Variants in UNC13C observed in about 807,000 individuals in gnomAD.
UNC13C encodes the protein protein unc-13 homolog C.
Under a neutral mutation model 245.4 loss-of-function variants are expected in UNC13C, and 174 were observed. That is an observed-to-expected ratio of 0.71 (90% CI 0.63 to 0.80). The LOEUF is 0.80. Ranked by LOEUF, UNC13C falls within the 30% of genes least tolerant of loss-of-function variation. UNC13C has a pLI of 0.00. For synonymous variants in UNC13C, 992 were observed against 895.1 expected, an observed-to-expected ratio of 1.11 and a Z score of -1.93; for missense variants, 2,829 against 2,602.9, an observed-to-expected ratio of 1.09 and a Z score of -1.89.
intron 23 of UNC13C, among the ~76,000 whole-genome samples, chr15:54,509,237 T>C (rs1394175393): frequency 2.6e-5 from 4 of 152,122 alleles, no homozygotes; most frequent in African/African-American, 9.7e-5. Context: ...ACCAAAACAT[T>C]TGAGTTCTCC....
At chr15:54,277,867 AG>A (rs2036874381) in intron 10 of UNC13C, among the ~76,000 whole-genome samples, 1 of 152,144 alleles carries the variant, frequency 6.6e-6, no homozygotes, top group Non-Finnish European at 1.5e-5. Context: ...AAAATGATAC[AG>A]TTGGGGGAAA....
In UNC13C at chr15:54,628,065, T is replaced by C. The variant is rs74014276; in HGVS notation, c.*952T>C. Reference sequence around the variant, plus strand: ...ACTGATGCCAAAAGTCATGTTTTCATCCACTTAGTGAAAAAATAGTAAAAT... The same window carrying C: ...ACTGATGCCAAAAGTCATGTTTTCACCCACTTAGTGAAAAAATAGTAAAAT... On this transcript the variant is annotated 3_prime_UTR_variant, in exon 33 of 33. Coordinates refer to ENST00000260323, the MANE Select transcript of UNC13C (RefSeq NM_001080534.3). 182 of 151,992 alleles carry C rather than the reference T, an allele frequency of 1.2e-3. No homozygotes were observed. Among genetic ancestry groups the C allele is most frequent in the African/African-American group, 4.1e-3 (169 of 41,336 alleles). 9.4% of individuals were successfully genotyped at this position (151,992 alleles called of 1,614,324 possible). A position where few individuals can be genotyped will look rare whatever the true frequency, so the allele number is the denominator to read the frequency against.
At chr15:54,620,280 G>C (rs1050276478) in intron 30 of UNC13C, among the ~76,000 whole-genome samples, 7 of 152,110 alleles carry the variant, frequency 4.6e-5, no homozygotes, top group Non-Finnish European at 1.0e-4. Flanking sequence ...CACACAGGTA[G>C]GGTGTATAAA....
At chr15:54,066,420 T>A (rs1170042398) in intron 2 of UNC13C, among the ~76,000 whole-genome samples, 2 of 152,232 alleles carry the variant, frequency 1.3e-5, no homozygotes, top group Non-Finnish European at 2.9e-5. Context: ...CCATTTTGTG[T>A]CTTCGCTGTT....
chr15:54,121,902 A>T (rs933458416), intron 2 of UNC13C, among the ~76,000 whole-genome samples: 2 of 151,948 alleles, frequency 1.3e-5, no homozygotes, highest in Non-Finnish European at 2.9e-5. Context: ...TCATTATGTT[A>T]TTGTGAATGA....
At chr15:54,170,819 A>G (rs2033371179) in intron 4 of UNC13C, among the ~76,000 whole-genome samples, 1 of 152,152 alleles carries the variant, frequency 6.6e-6, no homozygotes, top group Non-Finnish European at 1.5e-5. Context: ...CAGATACCTA[A>G]AAAGTAAACT....
At chr15:54,403,873 A>G (rs2040239529) in intron 18 of UNC13C, among the ~76,000 whole-genome samples, 1 of 152,160 alleles carries the variant, frequency 6.6e-6, no homozygotes, top group African/African-American at 2.4e-5. Context: ...TTCAAATGGC[A>G]CTTATGATCA....
intron 1 of UNC13C, among the ~76,000 whole-genome samples, chr15:53,994,262 A>G (rs1894519276): frequency 6.8e-6 from 1 of 147,274 alleles, no homozygotes; most frequent in Non-Finnish European, 1.5e-5. Flanking sequence ...ACCTATACTT[A>G]TATGGAACGT....
rs147857214 is a variant in UNC13C, at chr15:54,499,076, A to T, written c.5061-1003A>T. Among the ~76,000 whole-genome samples the T allele has an allele frequency of 3.5e-3, 527 of 152,230 alleles. 3 individuals are homozygous for T. The highest frequency in any genetic ancestry group is 0.012 in the African/African-American group (510 of 41,548). On this transcript the variant is annotated intron_variant, in intron 20 of 32. Transcript: ENST00000260323. ...TCTAGGTAAAAAATAAATAGGTTTA[A>T]TTGGCTCACAGTTCTGCAGGCTGTA...
At chr15:54,103,955 G>A (rs1900297017) in intron 2 of UNC13C, among the ~76,000 whole-genome samples, 1 of 128,362 alleles carries the variant, frequency 7.8e-6, no homozygotes, top group Non-Finnish European at 1.8e-5. Flanking sequence ...GTGTTGGCCA[G>A]GATGGTCTCA....
chr15:54,196,838 A>G (rs1301053414), intron 4 of UNC13C, among the ~76,000 whole-genome samples: 1 of 152,194 alleles, frequency 6.6e-6, no homozygotes, highest in Admixed American at 6.6e-5. Flanking sequence ...ATGAACTTAT[A>G]TAATAAAAAC....
chr15:53,945,869 C>A, the UNC13C span, among the ~76,000 whole-genome samples: 1 of 152,142 alleles, frequency 6.6e-6, no homozygotes, highest in African/African-American at 2.4e-5. Context: ...ATGATTCTTC[C>A]TATCCATGAG....
rs988793887 is a variant in UNC13C at position 54,435,002 on chromosome 15, G to C, written c.4933+19935G>C. 9.9e-5 allele frequency among the ~76,000 whole-genome samples: 15 copies of C among 152,200 alleles called. No individual in the cohort carries two copies. The South Asian group carries it at 1.2e-3, about 13-fold the overall frequency. ...AAAAGCTCATCATCACTGTTCATTA[G>C]AGACATGGAAATCAAAACCAAAATG... On this transcript the variant is annotated intron_variant, in intron 19 of 32. Coordinates refer to ENST00000260323, the MANE Select transcript of UNC13C (RefSeq NM_001080534.3).
chr15:54,138,272 G>C (rs1384896655), intron 2 of UNC13C, among the ~76,000 whole-genome samples: 1 of 151,990 alleles, frequency 6.6e-6, no homozygotes, highest in East Asian at 1.9e-4. Context: ...TTGCTGTTGG[G>C]TAGAATATTG....
the UNC13C span, among the ~76,000 whole-genome samples, chr15:53,869,417 G>T: frequency 6.2e-5 from 6 of 97,168 alleles, no homozygotes; most frequent in South Asian, 1.8e-3. Context: ...ACTCCACGAT[G>T]TCATGCCAAT....
At chr15:53,972,374 G>A in the UNC13C span, among the ~76,000 whole-genome samples, 14 of 152,140 alleles carry the variant, frequency 9.2e-5, no homozygotes, top group Non-Finnish European at 1.8e-4. Flanking sequence ...CTGAAACCCT[G>A]TAAAAAGAAA....
At chr15:54,238,261 G>A (rs2035760550) in intron 7 of UNC13C, among the ~76,000 whole-genome samples, 1 of 152,018 alleles carries the variant, frequency 6.6e-6, no homozygotes, top group African/African-American at 2.4e-5. Context: ...TTTTAGTAGA[G>A]ATGGGGTTTC....
At chr15:54,002,585 G>A (rs971840678) in intron 1 of UNC13C, among the ~76,000 whole-genome samples, 4 of 152,160 alleles carry the variant, frequency 2.6e-5, no homozygotes, top group Admixed American at 6.5e-5. Context: ...GACAGAAGAC[G>A]TGAGAAACAT....
At chr15:54,334,899 TA>T (rs1339899151) in intron 16 of UNC13C, among the ~76,000 whole-genome samples, 1 of 152,002 alleles carries the variant, frequency 6.6e-6, no homozygotes, top group Non-Finnish European at 1.5e-5. Flanking sequence ...CCTCCTTGTT[TA>T]AAAACACTAT....
Sources: gnomAD v4.1 joint callset for allele counts (sites outside exome capture counted in the v4.1 genomes callset) on GRCh38, gnomAD v4.1.1 for gene constraint, MANE v1.5 for transcripts, NCBI Gene and HGNC (gene_info 2026-07-23, HGNC 2026-07-21) for gene names.